Variants in DLG2 observed in about 807,000 individuals in gnomAD.
DLG2 encodes disks large homolog 2.
A neutral mutation model predicts 132.5 loss-of-function variants in DLG2; 45 were observed. The ratio of observed to expected loss-of-function variants is 0.34; its 90% CI spans 0.27 to 0.44. The LOEUF (loss-of-function observed/expected upper bound fraction) is 0.44, where lower values mean the gene tolerates loss of function less well. Ranked by LOEUF, DLG2 falls within the 20% of genes least tolerant of loss-of-function variation. DLG2 has a pLI of 1.00. For synonymous variants in DLG2, 424 were observed against 419.6 expected (o/e 1.01, Z -0.13); for missense variants, 1,045 against 1,196.9 (o/e 0.87, Z 1.87).
chr11:85,281,474 T>C (rs1419576701), intron 4 of DLG2, among the ~76,000 whole-genome samples: 1 of 151,998 alleles, frequency 6.6e-6, no homozygotes, highest in African/African-American at 2.4e-5. Context: ...AAACTAATAA[T>C]GAGTTCAACA....
chr11:85,300,542 G>C (rs2079523911), intron 3 of DLG2, among the ~76,000 whole-genome samples: 1 of 152,158 alleles, frequency 6.6e-6, no homozygotes, highest in African/African-American at 2.4e-5. Flanking sequence ...TGGACTCTCA[G>C]ATGTTCATAT....
chr11:84,366,622 C>T (rs2098684159), intron 7 of DLG2, among the ~76,000 whole-genome samples: 1 of 151,850 alleles, frequency 6.6e-6, no homozygotes, highest in Non-Finnish European at 1.5e-5. Context: ...GGAAGATCTA[C>T]CAAGCAAATG....
intron 9 of DLG2, among the ~76,000 whole-genome samples, chr11:84,130,198 C>A (rs2094355768): frequency 6.6e-6 from 1 of 152,022 alleles, no homozygotes; most frequent in Middle Eastern, 3.4e-3. Context: ...CTATGTTCTA[C>A]ACACAAGTTT....
chr11:84,148,877 T>C (rs894948656), intron 9 of DLG2, among the ~76,000 whole-genome samples: 8 of 152,222 alleles, frequency 5.3e-5, no homozygotes, highest in Non-Finnish European at 7.4e-5. Flanking sequence ...CCTACCAACA[T>C]CTATTATTTT....
chr11:85,392,989 A>G (rs540946893), intron 3 of DLG2, among the ~76,000 whole-genome samples: 4 of 152,204 alleles, frequency 2.6e-5, no homozygotes, highest in Admixed American at 6.5e-5. Flanking sequence ...ACTTAATTAA[A>G]CTAAAAAGCT....
At chr11:84,034,043 T>C (rs570228588) in intron 11 of DLG2, among the ~76,000 whole-genome samples, 1 of 152,108 alleles carries the variant, frequency 6.6e-6, no homozygotes, top group African/African-American at 2.4e-5. Flanking sequence ...ATCATGCCAT[T>C]GCACTCCAGC....
chr11:84,500,386 C>T (rs2099200398), intron 7 of DLG2, among the ~76,000 whole-genome samples: 1 of 148,912 alleles, frequency 6.7e-6, no homozygotes, highest in Non-Finnish European at 1.5e-5. Context: ...ATGGCTTTGA[C>T]TAAATTAAGG....
intron 18 of DLG2, among the ~76,000 whole-genome samples, chr11:83,736,017 G>A (rs1035893131): frequency 5.3e-5 from 8 of 152,282 alleles, no homozygotes; most frequent in East Asian, 3.9e-4. Flanking sequence ...CTTTAGTTGC[G>A]ATTAGATTGG....
intron 6 of DLG2, among the ~76,000 whole-genome samples, chr11:84,761,339 T>G (rs142687544): frequency 7.5e-4 from 114 of 152,306 alleles, no homozygotes; most frequent in African/African-American, 2.7e-3. Context: ...CTTTTTGCCC[T>G]TTCTTTTGAA....
At chr11:85,603,521 T>C (rs910841062) in intron 2 of DLG2, among the ~76,000 whole-genome samples, 1 of 152,084 alleles carries the variant, frequency 6.6e-6, no homozygotes, top group Admixed American at 6.6e-5. Context: ...CCTTTTTCTT[T>C]TCTCTCTCTT....
intron 6 of DLG2, among the ~76,000 whole-genome samples, chr11:85,049,059 G>T (rs565065212): frequency 6.6e-6 from 1 of 151,990 alleles, no homozygotes; most frequent in East Asian, 1.9e-4. Context: ...GTATACATTC[G>T]TCATTCTCTA....
intron 3 of DLG2, among the ~76,000 whole-genome samples, chr11:85,356,521 A>G (rs1340370583): frequency 1.3e-5 from 2 of 152,216 alleles, no homozygotes; most frequent in Admixed American, 6.5e-5. Flanking sequence ...GTATAGACCT[A>G]TTATAGTGAG....
intron 7 of DLG2, among the ~76,000 whole-genome samples, chr11:84,494,834 T>C (rs1418716072): frequency 1.3e-5 from 2 of 152,152 alleles, no homozygotes; most frequent in African/African-American, 2.4e-5. Flanking sequence ...CTGCAACATC[T>C]TCCAAAAGGA....
intron 6 of DLG2, among the ~76,000 whole-genome samples, chr11:84,946,764 A>T (rs1680556478): frequency 6.6e-6 from 1 of 152,128 alleles, no homozygotes; most frequent in African/African-American, 2.4e-5. Context: ...ACTGGCTCCA[A>T]GCTCAGCCCA....
chr11:84,324,405 A>AT (rs1489352621), intron 7 of DLG2, among the ~76,000 whole-genome samples: 4 of 151,990 alleles, frequency 2.6e-5, no homozygotes, highest in African/African-American at 7.2e-5. Context: ...TGTTTCATTA[A>AT]TTTGTATGTC....
At position 84,243,905 on chromosome 11, in the gene DLG2, T is replaced by C. The variant is rs149452526; in HGVS notation, c.573+7333A>G. ...TTCTGCATACTAGGATGAGTATTCA[T>C]AACAACCCCTGCAAGGCAGGTAGTA... On this transcript the variant is annotated intron_variant, in intron 8 of 27. Transcript: ENST00000376104. Among the ~76,000 whole-genome samples, 174 of 152,350 alleles carry C rather than the reference T, an allele frequency of 1.1e-3. 3 individuals are homozygous for C. In the South Asian group the frequency reaches 0.02, roughly 17 times the overall value.
chr11:83,598,111 T>A (rs1298277226), intron 19 of DLG2, among the ~76,000 whole-genome samples: 2 of 152,166 alleles, frequency 1.3e-5, no homozygotes, highest in African/African-American at 4.8e-5. Flanking sequence ...TTAATTTACA[T>A]CTCAAAATCA....
At chr11:85,163,737 A>G (rs59851854) in intron 4 of DLG2, among the ~76,000 whole-genome samples, 14,692 of 152,208 alleles carry the variant, frequency 0.097, 975 homozygotes, top group African/African-American at 0.18. Flanking sequence ...AGATAGTGCC[A>G]CCCATTGAAT....
At chr11:84,383,065 T>C (rs2098754520) in intron 7 of DLG2, among the ~76,000 whole-genome samples, 1 of 151,878 alleles carries the variant, frequency 6.6e-6, no homozygotes, top group African/African-American at 2.4e-5. Context: ...TCCTGCCTGG[T>C]ATTCATCCAT....
Sources: gnomAD v4.1 joint callset for allele counts (sites outside exome capture counted in the v4.1 genomes callset) on GRCh38, gnomAD v4.1.1 for gene constraint, MANE v1.5 for transcripts, NCBI Gene and HGNC (gene_info 2026-07-23, HGNC 2026-07-21) for gene names.